Variants in FRMPD4 observed in about 807,000 individuals in gnomAD.
FRMPD4 encodes FERM and PDZ domain containing 4, also known as FERM and PDZ domain-containing protein 4.
A neutral mutation model predicts 94.1 loss-of-function variants in FRMPD4; 22 were observed. The observed-to-expected ratio is 0.23, with a 90% CI of 0.17 to 0.33. FRMPD4 has a LOEUF of 0.33. FRMPD4 is among the 10% of genes least tolerant of loss of function. The probability of loss-of-function intolerance (pLI) is 1.00; values close to 1 mark genes in which losing one functional copy is unlikely to be tolerated. For missense variants in FRMPD4, 1,111 were observed against 1,339.9 expected (o/e 0.83, Z 2.67); for synonymous variants, 631 against 548.6 (o/e 1.15, Z -2.10).
chrX:12,329,411 A>G (rs191318641), intron 1 of FRMPD4, among the ~76,000 whole-genome samples: 2 of 111,302 alleles, frequency 1.8e-5, no homozygotes, highest in Non-Finnish European at 1.9e-5. Flanking sequence ...GAGGGATGCT[A>G]GTTTGTATGA....
intron 1 of FRMPD4, among the ~76,000 whole-genome samples, chrX:11,846,962 T>G (rs1340535698): frequency 9.5e-6 from 1 of 105,748 alleles, no homozygotes; most frequent in Admixed American, 1.0e-4. Context: ...ATTCAGGACA[T>G]AGGCATGGGC....
chrX:12,430,618 T>C (rs1398792991), intron 1 of FRMPD4, among the ~76,000 whole-genome samples: 3 of 111,821 alleles, frequency 2.7e-5, no homozygotes, highest in Admixed American at 9.5e-5. Flanking sequence ...TTTGCCTCTT[T>C]TCCTGGTGCC....
At chrX:12,337,048 T>G (rs1039921793) in intron 1 of FRMPD4, among the ~76,000 whole-genome samples, 31 of 111,218 alleles carry the variant, frequency 2.8e-4, no homozygotes, top group African/African-American at 9.8e-4. Flanking sequence ...TAGAAAAAGT[T>G]GAGTTTTGAG....
intron 1 of FRMPD4, among the ~76,000 whole-genome samples, chrX:12,452,995 G>A (rs890985491): frequency 2.7e-5 from 3 of 111,971 alleles, no homozygotes; most frequent in African/African-American, 9.7e-5. Flanking sequence ...AGGTAGAGTA[G>A]AATGTCCAAA....
chrX:12,425,849 CTTTAT>C lies in FRMPD4; in HGVS notation c.42-72827_42-72823del, dbSNP rs200846328. On this transcript the variant is annotated intron_variant, in intron 1 of 16. Transcript: ENST00000675598. The stretch of plus-strand genomic sequence containing the variant: ...TTTACTATTCTTAAATTCTACTGGA[CTTTAT>C]TTTGTTTTGATGCATGAGGGTGTTA... 6.8e-3 allele frequency among the ~76,000 whole-genome samples: 762 copies of C among 111,875 alleles called. 6 individuals are homozygous for C. The highest frequency in any genetic ancestry group is 0.024 in the African/African-American group (734 of 30,804).
At chrX:12,348,127 A>G (rs1479092951) in intron 1 of FRMPD4, among the ~76,000 whole-genome samples, 5 of 112,217 alleles carry the variant, frequency 4.5e-5, no homozygotes, top group African/African-American at 1.6e-4. Flanking sequence ...ACTTATTTCT[A>G]TATCATCACT....
intron 3 of FRMPD4, among the ~76,000 whole-genome samples, chrX:12,128,371 T>C (rs1346346074): frequency 2.0e-5 from 2 of 101,937 alleles, no homozygotes; most frequent in African/African-American, 3.8e-5. Flanking sequence ...GCCTGAGCTA[T>C]ACCTTGACCC....
intron 3 of FRMPD4, among the ~76,000 whole-genome samples, chrX:11,909,385 G>A (rs1036597643): frequency 3.6e-5 from 4 of 111,626 alleles, no homozygotes; most frequent in African/African-American, 1.3e-4. Context: ...TTTGTAGGAT[G>A]TATGGTGATG....
intron 1 of FRMPD4, among the ~76,000 whole-genome samples, chrX:12,288,602 C>A (rs1423508376): frequency 9.0e-6 from 1 of 111,482 alleles, no homozygotes; most frequent in Non-Finnish European, 1.9e-5. Context: ...TTTCCAAATT[C>A]ATCTTATCAT....
intron 8 of FRMPD4, among the ~76,000 whole-genome samples, chrX:12,691,843 G>T (rs1212817427): frequency 9.1e-6 from 1 of 110,241 alleles, no homozygotes; most frequent in Non-Finnish European, 1.9e-5. Flanking sequence ...CCACCGAGAG[G>T]CGAGGGAGCT....
intron 2 of FRMPD4, among the ~76,000 whole-genome samples, chrX:12,518,372 CCAGA>C (rs1159305676): frequency 9.0e-6 from 1 of 111,617 alleles, no homozygotes; most frequent in Non-Finnish European, 1.9e-5. Flanking sequence ...TTGGCTGATA[CCAGA>C]CAAAGACATT....
intron 3 of FRMPD4, among the ~76,000 whole-genome samples, chrX:12,060,319 A>G (rs1329791536): frequency 3.0e-5 from 3 of 99,857 alleles, no homozygotes; most frequent in Non-Finnish European, 6.0e-5. Context: ...CTGGCAGGAG[A>G]TGGTATCTCA....
chrX:12,676,168 C>G (rs2059896673), intron 5 of FRMPD4, among the ~76,000 whole-genome samples: 2 of 112,278 alleles, frequency 1.8e-5, no homozygotes, highest in Admixed American at 9.4e-5. Context: ...TGAGATCTAG[C>G]TCACAGCAGT....
chrX:12,704,175 G>A (rs1427559056), intron 10 of FRMPD4, among the ~76,000 whole-genome samples, 184 bp from the exon 11 acceptor site: 1 of 112,578 alleles, frequency 8.9e-6, no homozygotes, highest in Non-Finnish European at 1.9e-5. Flanking sequence ...ATGCAAACAT[G>A]TGTATTAATG....
At chrX:12,493,593 A>G (rs1236524683) in intron 1 of FRMPD4, among the ~76,000 whole-genome samples, 3 of 112,141 alleles carry the variant, frequency 2.7e-5, no homozygotes, top group Non-Finnish European at 5.6e-5. Flanking sequence ...TTGTTATCAC[A>G]CTTATTTGTG....
chrX:12,717,168 A>G, intron 15 of FRMPD4, 35 bp downstream of exon 15: 1 of 934,692 alleles, frequency 1.1e-6, no homozygotes, highest in Non-Finnish European at 1.5e-6. Flanking sequence ...TTCACTGATA[A>G]CCATATCATT....
chrX:12,010,160 T>C (rs1405940475), intron 3 of FRMPD4, among the ~76,000 whole-genome samples: 1 of 111,866 alleles, frequency 8.9e-6, no homozygotes, highest in Non-Finnish European at 1.9e-5. Flanking sequence ...TGAGTAGTTG[T>C]GTGACCATAG....
At chrX:12,692,598 TTC>T (rs780914347) in intron 8 of FRMPD4, among the ~76,000 whole-genome samples, 2 of 112,313 alleles carry the variant, frequency 1.8e-5, no homozygotes, top group Non-Finnish European at 3.8e-5. Context: ...AAGAAATTGT[TTC>T]TGTTTGTTTA....
At chrX:12,347,404 A>AT (rs1219620068) in intron 1 of FRMPD4, among the ~76,000 whole-genome samples, 58 of 104,714 alleles carry the variant, frequency 5.5e-4, no homozygotes, top group East Asian at 1.5e-3. Flanking sequence ...TGCTGGGCTA[A>AT]TTTTTTTTTT....
Sources: allele counts gnomAD v4.1 joint callset (sites outside exome capture counted in the v4.1 genomes callset), GRCh38; gene constraint gnomAD v4.1.1; transcripts MANE v1.5; gene names NCBI Gene and HGNC (gene_info 2026-07-23, HGNC 2026-07-21).